BCKDHB: variants seen among roughly 807,000 people sequenced by gnomAD.
The protein encoded by BCKDHB is 2-oxoisovalerate dehydrogenase subunit beta, mitochondrial.
BCKDHB carries 41 observed loss-of-function variants against 48.5 expected under a neutral mutation model. The ratio of observed to expected loss-of-function variants is 0.85; its 90% confidence interval spans 0.66 to 1.10. The LOEUF (loss-of-function observed/expected upper bound fraction) is 1.10, where lower values mean the gene tolerates loss of function less well. BCKDHB is among the 50% of genes least tolerant of loss of function. BCKDHB has a pLI of 0.00. For missense variants in BCKDHB, 496 were observed against 494.2 expected (o/e 1.00, Z -0.03); for synonymous variants, 201 against 174.8 (o/e 1.15, Z -1.18).
intron 8 of BCKDHB, among the ~76,000 whole-genome samples, chr6:80,260,522 T>C (rs1267193572): frequency 6.6e-6 from 1 of 152,106 alleles, no homozygotes; most frequent in Non-Finnish European, 1.5e-5. Context: ...GGGGAAGAGC[T>C]TCAGAGCCAT....
chr6:80,202,714 C>T (rs1774452357), intron 7 of BCKDHB, among the ~76,000 whole-genome samples: 1 of 139,596 alleles, frequency 7.2e-6, no homozygotes, highest in South Asian at 2.6e-4. Flanking sequence ...ATTTTTCCCT[C>T]CCTCCCTCCC....
chr6:80,377,044 T>A, the BCKDHB span, among the ~76,000 whole-genome samples: 3 of 56,666 alleles, frequency 5.3e-5, no homozygotes, highest in Non-Finnish European at 1.4e-4. Context: ...CTTTTAATTT[T>A]TTTTTTTTTT....
At position 80,314,894 on chromosome 6, in the gene BCKDHB, T is replaced by G. The variant is rs1383588233; in HGVS notation, c.1039-28770T>G. The stretch of plus-strand genomic sequence containing the variant: ...TGGCCACATTCTGGCAAAGCAGCTG[T>G]GCTGTGCGGCGGGACTCGCTGCTCA... On this transcript the variant is annotated intron_variant, in intron 9 of 9. Coordinates refer to ENST00000320393, the MANE Select transcript of BCKDHB (RefSeq NM_183050.4). Among the ~76,000 whole-genome samples, 33 of 152,180 alleles carry G rather than the reference T, an allele frequency of 2.2e-4. 1 individual carries two copies. Among genetic ancestry groups the G allele is most frequent in the Non-Finnish European group, 1.5e-5 (1 of 68,028 alleles).
At chr6:80,404,944 A>G in the BCKDHB span, among the ~76,000 whole-genome samples, 2 of 152,032 alleles carry the variant, frequency 1.3e-5, no homozygotes, top group Non-Finnish European at 2.9e-5. Flanking sequence ...GTTAGGACTG[A>G]TTTTGTGGCC....
chr6:80,135,617 CT>C (rs1008904272), intron 3 of BCKDHB, among the ~76,000 whole-genome samples: 5 of 151,934 alleles, frequency 3.3e-5, no homozygotes, highest in African/African-American at 1.2e-4. Flanking sequence ...TTTAATATGC[CT>C]TTTTTTCCCC....
chr6:80,128,385 CAT>C lies in BCKDHB; in HGVS notation c.274+763_274+764del, dbSNP rs1330716594. 3.3e-5 allele frequency among the ~76,000 whole-genome samples: 5 copies of C among 152,064 alleles called. No homozygotes were observed. The East Asian group carries it at 7.7e-4, about 23-fold the overall frequency. ...ATTGAACTAGAGAAGTAAATTCAAA[CAT>C]AGAGAAGGGTGAGTTTTTTCTTGGG... On this transcript the variant is annotated intron_variant, in intron 2 of 9. Transcript: ENST00000320393.
chr6:80,294,076 C>T (rs1039551091), intron 9 of BCKDHB, among the ~76,000 whole-genome samples: 3 of 152,168 alleles, frequency 2.0e-5, no homozygotes. Flanking sequence ...CAACCTCTGC[C>T]TATTACCCAA....
intron 8 of BCKDHB, among the ~76,000 whole-genome samples, chr6:80,267,284 A>G (rs1014034040): frequency 6.6e-6 from 1 of 152,062 alleles, no homozygotes. Context: ...CCTTCACCTT[A>G]TTACTGTACT....
intron 8 of BCKDHB, among the ~76,000 whole-genome samples, chr6:80,262,401 C>T (rs1042160963): frequency 6.6e-6 from 1 of 152,060 alleles, no homozygotes; most frequent in Non-Finnish European, 1.5e-5. Context: ...TATTTTAAAC[C>T]AGAAGTCCAG....
the BCKDHB span, among the ~76,000 whole-genome samples, chr6:80,453,638 G>T: frequency 6.6e-6 from 1 of 152,214 alleles, no homozygotes; most frequent in Admixed American, 6.5e-5. Context: ...TTTGCATAAA[G>T]CCCTGAGGAA....
intron 9 of BCKDHB, chr6:80,307,885 TTAAAAACA>T: frequency 1.0e-6 from 1 of 972,318 alleles, no homozygotes; most frequent in Non-Finnish European, 1.2e-6. Flanking sequence ...AATAATTAAA[TTAAAAACA>T]TAAAAATTAT....
chr6:80,152,959 G>A (rs910631911), intron 3 of BCKDHB, among the ~76,000 whole-genome samples: 18 of 152,196 alleles, frequency 1.2e-4, no homozygotes, highest in African/African-American at 4.1e-4. Flanking sequence ...GATCTCTTAG[G>A]ATCAGTTGCC....
At chr6:80,223,597 T>G (rs1420758820) in intron 8 of BCKDHB, among the ~76,000 whole-genome samples, 1 of 152,216 alleles carries the variant, frequency 6.6e-6, no homozygotes, top group African/African-American at 2.4e-5. Context: ...TTAATTCTGA[T>G]ACTATTTTGC....
chr6:80,134,254 G>A (rs1340733563), intron 3 of BCKDHB, among the ~76,000 whole-genome samples: 1 of 152,142 alleles, frequency 6.6e-6, no homozygotes, highest in Non-Finnish European at 1.5e-5. Flanking sequence ...CCTTTTCATG[G>A]GACTTGATGT....
intron 9 of BCKDHB, among the ~76,000 whole-genome samples, chr6:80,338,089 G>T (rs1361404194): frequency 1.3e-5 from 2 of 152,092 alleles, no homozygotes; most frequent in Non-Finnish European, 2.9e-5. Flanking sequence ...TGCACAATGG[G>T]CTGTAGCCAA....
At chr6:80,302,853 A>C (rs560886539) in intron 9 of BCKDHB, among the ~76,000 whole-genome samples, 67 of 152,288 alleles carry the variant, frequency 4.4e-4, no homozygotes, top group African/African-American at 1.5e-3. Flanking sequence ...AATATGAGCT[A>C]TGCTGTAAAA....
At chr6:80,368,280 G>A in the BCKDHB span, among the ~76,000 whole-genome samples, 1 of 152,094 alleles carries the variant, frequency 6.6e-6, no homozygotes, top group African/African-American at 2.4e-5. Flanking sequence ...GGTTCAGTTA[G>A]CCAAAAATCT....
intron 6 of BCKDHB, among the ~76,000 whole-genome samples, chr6:80,187,239 T>C (rs1244373953): frequency 6.6e-6 from 1 of 152,198 alleles, no homozygotes; most frequent in African/African-American, 2.4e-5. Flanking sequence ...TTTGATTAAA[T>C]GTGTTAATAC....
chr6:80,157,606 C>T (rs1036616824), intron 3 of BCKDHB, among the ~76,000 whole-genome samples: 3 of 151,428 alleles, frequency 2.0e-5, no homozygotes, highest in African/African-American at 7.3e-5. Flanking sequence ...GCTGGGATTA[C>T]AGGCATGTGC....
Sources: allele counts gnomAD v4.1 joint callset (sites outside exome capture counted in the v4.1 genomes callset), GRCh38; gene constraint gnomAD v4.1.1; transcripts MANE v1.5; gene names NCBI Gene and HGNC (gene_info 2026-07-23, HGNC 2026-07-21).